DGKB: variants seen among roughly 807,000 people sequenced by gnomAD.
DGKB encodes the protein 90 kDa diacylglycerol kinase.
Under a neutral mutation model 114.3 loss-of-function variants are expected in DGKB, and 67 were observed. The ratio of observed to expected loss-of-function variants is 0.59; its 90% CI spans 0.48 to 0.72. DGKB has a LOEUF of 0.72. Among genes scored for constraint, DGKB ranks in the 30% least tolerant of loss-of-function variants. The pLI is 0.00. For synonymous variants in DGKB, 398 were observed against 323.1 expected, an observed-to-expected ratio of 1.23 and a Z score of -2.49; for missense variants, 907 against 975.2, an observed-to-expected ratio of 0.93 and a Z score of 0.93.
chr7:14,364,739 T>C (rs1429458271), intron 21 of DGKB, among the ~76,000 whole-genome samples: 1 of 152,000 alleles, frequency 6.6e-6, no homozygotes, highest in African/African-American at 2.4e-5. Flanking sequence ...ATGAGAGATT[T>C]AATCATAGGA....
chr7:14,606,254 C>G (rs932098330), intron 17 of DGKB, among the ~76,000 whole-genome samples: 5 of 151,996 alleles, frequency 3.3e-5, no homozygotes, highest in Non-Finnish European at 7.4e-5. Context: ...AGCCAACAGT[C>G]TGATCATGAT....
chr7:14,486,961 A>C (rs1204335893), intron 20 of DGKB, among the ~76,000 whole-genome samples: 1 of 152,228 alleles, frequency 6.6e-6, no homozygotes, highest in Non-Finnish European at 1.5e-5. Context: ...TATAGATTTA[A>C]TTTAACTGAA....
intron 1 of DGKB, among the ~76,000 whole-genome samples, chr7:14,970,102 T>A (rs1370121732): frequency 1.3e-5 from 2 of 152,094 alleles, no homozygotes; most frequent in Admixed American, 6.6e-5. Flanking sequence ...GTAACATGGG[T>A]TGGGCTTAAT....
At chr7:14,157,643 C>A (rs1225094487) in intron 25 of DGKB, among the ~76,000 whole-genome samples, 1 of 152,144 alleles carries the variant, frequency 6.6e-6, no homozygotes, top group Non-Finnish European at 1.5e-5. Flanking sequence ...GATTTGAAAT[C>A]TCTTTTAACA....
intron 2 of DGKB, among the ~76,000 whole-genome samples, chr7:14,801,876 A>G (rs960767297): frequency 2.0e-5 from 3 of 151,356 alleles, no homozygotes; most frequent in East Asian, 1.9e-4. Flanking sequence ...ATATATACAT[A>G]TGTGTGTGTG....
chr7:14,933,746 A>G (rs528207664), intron 1 of DGKB, among the ~76,000 whole-genome samples: 1 of 152,236 alleles, frequency 6.6e-6, no homozygotes, highest in African/African-American at 2.4e-5. Flanking sequence ...ACAGAATACA[A>G]ATTTCCTCGT....
intron 23 of DGKB, among the ~76,000 whole-genome samples, chr7:14,318,329 T>TTC (rs1807024807): frequency 6.6e-6 from 1 of 151,194 alleles, no homozygotes; most frequent in African/African-American, 2.4e-5. Flanking sequence ...CAAAAGAAAC[T>TTC]ACCATCAGAG....
At chr7:14,627,766 A>C (rs1808866031) in intron 14 of DGKB, among the ~76,000 whole-genome samples, 1 of 151,908 alleles carries the variant, frequency 6.6e-6, no homozygotes, top group Non-Finnish European at 1.5e-5. Context: ...ACATGGTGAA[A>C]CCTCATCTCT....
chr7:14,834,725 G>T (rs1418862720), intron 2 of DGKB, among the ~76,000 whole-genome samples: 1 of 152,116 alleles, frequency 6.6e-6, no homozygotes, highest in African/African-American at 2.4e-5. Flanking sequence ...ACATTTTTCA[G>T]ACATGGCATG....
chr7:14,444,043 T>C (rs911926298), intron 21 of DGKB, among the ~76,000 whole-genome samples: 4 of 151,920 alleles, frequency 2.6e-5, no homozygotes, highest in Non-Finnish European at 5.9e-5. Context: ...CAGTCCTCTA[T>C]TGTGGATTTT....
rs1265870731 is a variant in DGKB at position 14,778,177 on chromosome 7, G to T, written c.71-20446C>A. On this transcript the variant is annotated intron_variant, in intron 2 of 25. Coordinates refer to ENST00000402815, the MANE Select transcript of DGKB (RefSeq NM_001350709.2). Reference sequence around the variant, plus strand: ...ATTGCTTTGAAGCAGAAAGAGAACAGGATTCAGAGTTAAAAGACCTGTGCA... The same window carrying T: ...ATTGCTTTGAAGCAGAAAGAGAACATGATTCAGAGTTAAAAGACCTGTGCA... Among the ~76,000 whole-genome samples the T allele has an allele frequency of 2.0e-5, 3 of 152,172 alleles. No individual in the cohort carries two copies. In the East Asian group the frequency reaches 5.8e-4, roughly 29 times the overall value.
At chr7:14,947,547 A>G (rs562238092) in intron 1 of DGKB, among the ~76,000 whole-genome samples, 2 of 122,734 alleles carry the variant, frequency 1.6e-5, no homozygotes, top group East Asian at 1.8e-3. Context: ...GTTGTACAAT[A>G]GGATATATTA....
In DGKB at chr7:14,320,888, T is replaced by G. The variant is rs371729959; in HGVS notation, c.2122+17627A>C. ...TCATGACCATTCTCATGAACATAGATGCAAAATTTTAAATGTAATATTAAT... is the reference window on the plus strand; with the variant it reads ...TCATGACCATTCTCATGAACATAGAGGCAAAATTTTAAATGTAATATTAAT... On this transcript the variant is annotated intron_variant, in intron 23 of 25. Transcript: ENST00000402815. 1.8e-3 allele frequency among the ~76,000 whole-genome samples: 280 copies of G among 152,172 alleles called. 1 individual carries two copies. The highest frequency in any genetic ancestry group is 6.2e-3 in the African/African-American group (257 of 41,514).
chr7:14,426,214 CTCTG>C (rs1827500854), intron 21 of DGKB, among the ~76,000 whole-genome samples: 1 of 152,168 alleles, frequency 6.6e-6, no homozygotes, highest in African/African-American at 2.4e-5. Context: ...AAGACAGTGG[CTCTG>C]TCTACTATTG....
intron 23 of DGKB, among the ~76,000 whole-genome samples, chr7:14,228,456 A>C (rs566010787): frequency 2.5e-4 from 38 of 152,022 alleles, no homozygotes; most frequent in Admixed American, 4.6e-4. Flanking sequence ...GTAAAACCTA[A>C]GACTCTAACT....
chr7:14,888,436 T>G (rs1780658231), intron 1 of DGKB, among the ~76,000 whole-genome samples: 1 of 151,722 alleles, frequency 6.6e-6, no homozygotes, highest in Non-Finnish European at 1.5e-5. Flanking sequence ...CCCTCTTCAT[T>G]TTCCTCTTTG....
At chr7:14,934,800 T>C (rs1785194277) in intron 1 of DGKB, among the ~76,000 whole-genome samples, 2 of 152,204 alleles carry the variant, frequency 1.3e-5, no homozygotes, top group Admixed American at 1.3e-4. Flanking sequence ...ATCCCCTAAC[T>C]TGATTTAAAA....
intron 1 of DGKB, among the ~76,000 whole-genome samples, chr7:14,909,203 G>T (rs1783859311): frequency 6.6e-6 from 1 of 152,078 alleles, no homozygotes; most frequent in African/African-American, 2.4e-5. Context: ...GTACTGTGCA[G>T]CTCACACAGC....
intron 23 of DGKB, among the ~76,000 whole-genome samples, chr7:14,307,191 G>T (rs1244860798): frequency 8.0e-6 from 1 of 125,266 alleles, no homozygotes; most frequent in Non-Finnish European, 1.8e-5. Context: ...ATTTAATTGT[G>T]TCTGGACTAT....
Sources: gnomAD v4.1 joint callset for allele counts (sites outside exome capture counted in the v4.1 genomes callset) on GRCh38, gnomAD v4.1.1 for gene constraint, MANE v1.5 for transcripts, NCBI Gene and HGNC (gene_info 2026-07-23, HGNC 2026-07-21) for gene names.